The following COL5A2 variants were observed in gnomAD, a reference collection of about 807,000 sequenced individuals.
COL5A2 encodes collagen alpha-2(V) chain.
Under a neutral mutation model 208.2 loss-of-function variants are expected in COL5A2, and 23 were observed. The ratio of observed to expected loss-of-function variants is 0.11; its 90% CI spans 0.08 to 0.16. The LOEUF is 0.16. Among genes scored for constraint, COL5A2 ranks in the 10% least tolerant of loss-of-function variants. COL5A2 has a pLI of 1.00. For missense variants in COL5A2, 1,590 were observed against 1,956.4 expected, an observed-to-expected ratio of 0.81 and a Z score of 3.53; for synonymous variants, 625 against 628.5, an observed-to-expected ratio of 0.99 and a Z score of 0.08.
rs893128613 is a variant in COL5A2, at chr2:189,079,092, T to C, written c.976A>G (p.Thr326Ala). The C allele has an allele frequency of 6.2e-7, 1 of 1,612,860 alleles. No individual in the cohort carries two copies. Among genetic ancestry groups the C allele is most frequent in the Non-Finnish European group, 8.5e-7 (1 of 1,179,214 alleles). The part of the protein sequence containing the change: ...APGSKGEAGP[T>A]GPMGAMGPLG... ...GGACCCATGGCACCCATTGGACCAG[T>C]GGGGCCAGCTTCACCCTAAAAAAAA... Residue 326 changes from threonine (T) to alanine (A), a missense_variant, in exon 15 of 54, where the codon ACT becomes GCT. By Grantham distance (58) the Thr-to-Ala change is moderately conservative (BLOSUM62 0). Coordinates refer to ENST00000374866, the MANE Select transcript of COL5A2 (RefSeq NM_000393.5).
At chr2:189,111,145 T>C (rs1489947720) in intron 1 of COL5A2, among the ~76,000 whole-genome samples, 1 of 152,054 alleles carries the variant, frequency 6.6e-6, no homozygotes, top group Non-Finnish European at 1.5e-5. Context: ...GCCAAAATAA[T>C]ACAGTGAGTT....
At chr2:189,348,344 T>C in the COL5A2 span, among the ~76,000 whole-genome samples, 11 of 152,316 alleles carry the variant, frequency 7.2e-5, no homozygotes, top group South Asian at 2.3e-3. Context: ...TTAATTTATT[T>C]GCTCTAGAAA....
At chr2:189,436,222 T>C in the COL5A2 span, among the ~76,000 whole-genome samples, 2 of 152,128 alleles carry the variant, frequency 1.3e-5, no homozygotes, top group African/African-American at 2.4e-5. Flanking sequence ...GACATAGGCA[T>C]GGGCAAGGAT....
chr2:189,261,390 G>C, the COL5A2 span, among the ~76,000 whole-genome samples: 1 of 152,140 alleles, frequency 6.6e-6, no homozygotes, highest in Non-Finnish European at 1.5e-5. Context: ...TACAAAAGAT[G>C]TTCTGGAAAG....
intron 35 of COL5A2, 90 bp from the exon 36 acceptor site, chr2:189,054,302 T>C: frequency 1.0e-6 from 1 of 954,004 alleles, no homozygotes; most frequent in Non-Finnish European, 1.7e-6. Context: ...AAGAAACGAC[T>C]ATTTTGTTAT....
intron 44 of COL5A2, among the ~76,000 whole-genome samples, 163 bp from the exon 45 acceptor site, chr2:189,048,425 T>C (rs991736354): frequency 1.3e-5 from 2 of 152,258 alleles, no homozygotes; most frequent in Non-Finnish European, 2.9e-5. Context: ...CTCTTTTTCA[T>C]TATTTTGAAT....
chr2:189,293,683 T>TCCCATAAGCCA, the COL5A2 span, among the ~76,000 whole-genome samples: 1 of 152,296 alleles, frequency 6.6e-6, no homozygotes, highest in Middle Eastern at 3.4e-3. Flanking sequence ...AAAAAGACAG[T>TCCCATAAGCCA]TGTCCATGAA....
At chr2:189,116,904 T>C (rs1687402895) in intron 1 of COL5A2, among the ~76,000 whole-genome samples, 1 of 152,162 alleles carries the variant, frequency 6.6e-6, no homozygotes, top group South Asian at 2.1e-4. Context: ...AGGAGATGAC[T>C]CATAGAAAGC....
At chr2:189,327,809 C>T in the COL5A2 span, among the ~76,000 whole-genome samples, 3 of 152,126 alleles carry the variant, frequency 2.0e-5, no homozygotes, top group African/African-American at 4.8e-5. Flanking sequence ...TAATCTTGAT[C>T]CTACATAATT....
the COL5A2 span, among the ~76,000 whole-genome samples, chr2:189,285,302 G>A: frequency 5.3e-5 from 8 of 151,798 alleles, no homozygotes; most frequent in East Asian, 1.9e-4. Flanking sequence ...CCCAAGGCTC[G>A]ACAAATCACA....
intron 12 of COL5A2, among the ~76,000 whole-genome samples, chr2:189,082,790 G>T (rs1314358091): frequency 2.0e-5 from 3 of 152,220 alleles, no homozygotes; most frequent in Admixed American, 6.5e-5. Flanking sequence ...CACACTGTGA[G>T]CATGAGCAAG....
the COL5A2 span, among the ~76,000 whole-genome samples, chr2:189,335,178 G>A: frequency 6.6e-6 from 1 of 151,924 alleles, no homozygotes; most frequent in African/African-American, 2.4e-5. Context: ...AACAGTTGTT[G>A]AACAAAACAT....
At chr2:189,126,095 T>G (rs1687602527) in intron 1 of COL5A2, among the ~76,000 whole-genome samples, 1 of 152,074 alleles carries the variant, frequency 6.6e-6, no homozygotes, top group Admixed American at 6.6e-5. Flanking sequence ...TTTCAGAAAT[T>G]TAAAAATTGA....
chr2:189,361,716 G>A, the COL5A2 span, among the ~76,000 whole-genome samples: 5 of 151,320 alleles, frequency 3.3e-5, no homozygotes, highest in African/African-American at 7.3e-5. Context: ...ATATTCCTTT[G>A]TGCTTAAGTG....
rs560426511 is a variant in COL5A2, at chr2:189,069,458, C to G, written c.1159-574G>C. On this transcript the variant is annotated intron_variant, in intron 18 of 53. Coordinates refer to ENST00000374866, the MANE Select transcript of COL5A2 (RefSeq NM_000393.5). ...TGTATAAACAGTGTATACATTCGGA[C>G]TCTTTAACACAAATCAAATGAAGGA... is the stretch of plus-strand genomic sequence containing the variant. Among the ~76,000 whole-genome samples the G allele has an allele frequency of 7.5e-4, 114 of 152,282 alleles. 2 individuals carry two copies. In the Middle Eastern group the frequency reaches 0.041, roughly 55 times the overall value.
At chr2:189,117,767 T>A (rs1687422781) in intron 1 of COL5A2, among the ~76,000 whole-genome samples, 1 of 151,992 alleles carries the variant, frequency 6.6e-6, no homozygotes, top group Admixed American at 6.6e-5. Context: ...TAGTTACCAC[T>A]TTCAAGCCTA....
At chr2:189,105,080 T>C (rs1576530049) in intron 2 of COL5A2, among the ~76,000 whole-genome samples, 2 of 151,874 alleles carry the variant, frequency 1.3e-5, no homozygotes, top group East Asian at 3.9e-4. Flanking sequence ...AAAGTGAAAG[T>C]TATTGTTTAT....
chr2:189,142,225 C>T (rs187044658), intron 1 of COL5A2, among the ~76,000 whole-genome samples: 7 of 152,042 alleles, frequency 4.6e-5, no homozygotes, highest in Non-Finnish European at 1.0e-4. Context: ...GATTACTCTT[C>T]GAACTAGGTA....
chr2:189,343,577 C>T, the COL5A2 span, among the ~76,000 whole-genome samples: 3 of 152,216 alleles, frequency 2.0e-5, no homozygotes, highest in African/African-American at 7.2e-5. Context: ...ATCCTATTTA[C>T]ATGTACTCAA....
Sources: gnomAD v4.1 joint callset for allele counts (sites outside exome capture counted in the v4.1 genomes callset) on GRCh38, gnomAD v4.1.1 for gene constraint, MANE v1.5 for transcripts, NCBI Gene and HGNC (gene_info 2026-07-23, HGNC 2026-07-21) for gene names.